KIT: variants seen among roughly 807,000 people sequenced by gnomAD.
The protein encoded by KIT is KIT proto-oncogene, receptor tyrosine kinase.
In KIT, 16 loss-of-function variants were observed where a neutral mutation model predicts 105.7. That is an observed-to-expected ratio of 0.15 (90% CI 0.10 to 0.23). KIT has a LOEUF of 0.23. Ranked by LOEUF, KIT falls within the 10% of genes least tolerant of loss-of-function variation. The pLI is 1.00. For missense variants in KIT, 858 were observed against 1,213.8 expected, an observed-to-expected ratio of 0.71 and a Z score of 4.36; for synonymous variants, 438 against 441.1, an observed-to-expected ratio of 0.99 and a Z score of 0.09.
At chr4:54,721,580 C>T (rs912984899) in intron 7 of KIT, among the ~76,000 whole-genome samples, 1 of 152,190 alleles carries the variant, frequency 6.6e-6, no homozygotes, top group African/African-American at 2.4e-5. Flanking sequence ...ATGGCCTGCT[C>T]ATCAGCAGGG....
intron 1 of KIT, among the ~76,000 whole-genome samples, chr4:54,666,275 G>GT (rs942672141): frequency 2.6e-5 from 4 of 151,734 alleles, no homozygotes; most frequent in Admixed American, 6.6e-5. Context: ...TTTGTTTTTT[G>GT]TTTTTTTTGT....
At chr4:54,659,504 G>T (rs1338202714) in intron 1 of KIT, among the ~76,000 whole-genome samples, 1 of 152,150 alleles carries the variant, frequency 6.6e-6, no homozygotes, top group Non-Finnish European at 1.5e-5. Flanking sequence ...TGAGACTGTC[G>T]ACTACCGGTC....
chr4:54,732,131 C>G (rs1196307472), intron 16 of KIT, 133 bp downstream of exon 16: 1 of 1,023,270 alleles, frequency 9.8e-7, no homozygotes, highest in Non-Finnish European at 1.4e-6. Flanking sequence ...AGTGTGGTAA[C>G]CAAAAGCAGA....
intron 1 of KIT, among the ~76,000 whole-genome samples, chr4:54,677,379 G>T (rs1030516277): frequency 1.3e-5 from 2 of 152,116 alleles, no homozygotes; most frequent in Non-Finnish European, 2.9e-5. Context: ...CTAACTTGGG[G>T]TCTGCCCTGT....
At chr4:54,723,905 T>G (rs1423904051) in intron 8 of KIT, among the ~76,000 whole-genome samples, 2 of 152,362 alleles carry the variant, frequency 1.3e-5, no homozygotes, top group East Asian at 3.9e-4. Context: ...CATTACTGAA[T>G]GACTTCTCTA....
intron 1 of KIT, among the ~76,000 whole-genome samples, chr4:54,682,723 C>T (rs923396451): frequency 1.3e-5 from 2 of 151,212 alleles, no homozygotes; most frequent in African/African-American, 4.9e-5. Context: ...AGCCACTGCG[C>T]CCGGCCGATA....
rs374440815 is a variant in KIT at position 54,736,776 on chromosome 4, G to T, written c.2652G>T (p.Lys884Asn). The change falls in exon 19 of 21, where the codon AAG becomes AAT. Residue 884 changes from lysine to asparagine, a missense_variant. Transcript: ENST00000288135. ...PVDSKFYKMI[K>N]EGFRMLSPEH... is the part of the protein sequence containing the mutation. The stretch of plus-strand genomic sequence containing the variant: ...ATTCTAAGTTCTACAAGATGATCAA[G>T]GAAGGCTTCCGGATGCTCAGCCCTG... The T allele has an allele frequency of 6.2e-7, 1 of 1,614,038 alleles. No homozygotes were observed. The highest frequency in any genetic ancestry group is 8.5e-7 in the Non-Finnish European group (1 of 1,180,010).
Position 54,686,371 on chromosome 4 carries a change from T to A in KIT, c.68-9141T>A, listed in dbSNP as rs1267801278. On this transcript the variant is annotated intron_variant, in intron 1 of 20. Transcript: ENST00000288135. ...AAATATCATGTACATAATACAGTAC[T>A]GAGACCTGGCATGCAGATAGAACAT... Among the ~76,000 whole-genome samples the A allele has an allele frequency of 2.6e-5, 4 of 152,234 alleles. No individual in the cohort carries two copies. The East Asian group carries it at 7.7e-4, about 29-fold the overall frequency.
intron 7 of KIT, among the ~76,000 whole-genome samples, chr4:54,712,915 G>T (rs3020827): frequency 6.6e-6 from 1 of 151,856 alleles, no homozygotes; most frequent in African/African-American, 2.4e-5. Flanking sequence ...CAAACTGACA[G>T]AGGCATTTAT....
In KIT at chr4:54,714,084, G is replaced by A. The variant is rs116082882; in HGVS notation, c.1231+4545G>A. On this transcript the variant is annotated intron_variant, in intron 7 of 20. Transcript: ENST00000288135. ...ATTTGCATTACTCTAATTAACTTTT[G>A]GAATTGCTTATCCAAGATGTGTATG... Among the ~76,000 whole-genome samples, 1,352 of 152,256 alleles carry A rather than the reference G, an allele frequency of 8.9e-3. 11 individuals are homozygous for A. Among genetic ancestry groups the A allele is most frequent in the Non-Finnish European group, 0.014 (971 of 68,010 alleles).
chr4:54,666,544 C>G (rs962466844), intron 1 of KIT, among the ~76,000 whole-genome samples: 2 of 152,132 alleles, frequency 1.3e-5, no homozygotes, highest in Non-Finnish European at 2.9e-5. Context: ...TCCCAAAGTG[C>G]TGGGATTACA....
At chr4:54,723,443 G>A in intron 7 of KIT, 141 bp from the exon 8 acceptor site, 2 of 696,450 alleles carry the variant, frequency 2.9e-6, no homozygotes, top group East Asian at 5.5e-5. Context: ...CCACTCCTTG[G>A]TTCAGATTCT....
At chr4:54,713,243 T>C (rs1490161800) in intron 7 of KIT, among the ~76,000 whole-genome samples, 2 of 152,092 alleles carry the variant, frequency 1.3e-5, no homozygotes, top group African/African-American at 4.8e-5. Context: ...CCGTGTATAG[T>C]CTTTATCCCT....
At chr4:54,682,517 C>T (rs960428799) in intron 1 of KIT, among the ~76,000 whole-genome samples, 4 of 152,022 alleles carry the variant, frequency 2.6e-5, no homozygotes. Flanking sequence ...TAACCTCCAC[C>T]TCCCAGGTTC....
In KIT at chr4:54,685,924, A is replaced by G. The variant is rs1260868947; in HGVS notation, c.68-9588A>G. On this transcript the variant is annotated intron_variant, in intron 1 of 20. Transcript: ENST00000288135. ...GTTTCCCAGCTCAGTTCTACATAAT[A>G]CTCTGCCCTGTTTTAGCCTGTACTT... Among the ~76,000 whole-genome samples the G allele has an allele frequency of 2.0e-5, 3 of 151,920 alleles. No homozygotes were observed. The East Asian group carries it at 5.8e-4, about 29-fold the overall frequency.
In KIT at chr4:54,740,706, T is replaced by C. The variant is rs1353747954; in HGVS notation, c.*2149T>C. On this transcript the variant is annotated 3_prime_UTR_variant, in exon 21 of 21. Coordinates refer to ENST00000288135, the MANE Select transcript of KIT (RefSeq NM_000222.3). Reference sequence around the variant, plus strand: ...GAAGAATTCTAATAAAATGTACATATATAAATCAAGTGGAGTCATTTGATT... The same window carrying C: ...GAAGAATTCTAATAAAATGTACATACATAAATCAAGTGGAGTCATTTGATT... The C allele has an allele frequency of 4.4e-6, 1 of 229,480 alleles. No homozygotes were observed. Among genetic ancestry groups the C allele is most frequent in the African/African-American group, 2.2e-5 (1 of 45,140 alleles). The allele number at this position is 229,480 out of a possible 1,614,324, so 14.2% of individuals were successfully genotyped here.
intron 8 of KIT, among the ~76,000 whole-genome samples, chr4:54,725,257 A>T (rs1722145454): frequency 6.6e-6 from 1 of 152,050 alleles, no homozygotes; most frequent in African/African-American, 2.4e-5. Flanking sequence ...GGCGCCTGCC[A>T]CCACGCCCAG....
chr4:54,699,783 ATTC>A lies in KIT; in HGVS notation c.756+22_756+24del, dbSNP rs760585459. 7.0e-5 allele frequency: 113 copies of A among 1,613,274 alleles called. No individual in the cohort carries two copies. The highest frequency in any genetic ancestry group is 9.1e-5 in the Non-Finnish European group (107 of 1,179,532). On this transcript the variant is annotated intron_variant, in intron 4 of 20. Transcript: ENST00000288135. ...AACAGTCAGGTGAGTGAATCGCTTCATTCTTCTCATGTTCTGTCTCTGTGGGAG... is the reference window on the plus strand; with the variant it reads ...AACAGTCAGGTGAGTGAATCGCTTCATTCTCATGTTCTGTCTCTGTGGGAG...
rs886038271 is a variant in KIT, at chr4:54,726,080, G to A, written c.1540+30G>A. 2 of 1,557,060 alleles carry A rather than the reference G, an allele frequency of 1.3e-6. No individual in the cohort carries two copies. The highest frequency in any genetic ancestry group is 1.8e-6 in the Non-Finnish European group (2 of 1,128,380). On this transcript the variant is annotated intron_variant, in intron 9 of 20. Coordinates refer to ENST00000288135, the MANE Select transcript of KIT (RefSeq NM_000222.3). Reference sequence around the variant, plus strand: ...ATTTCTTTTTAATCCAATTTAAGGGGATGTTTAGGCTCTGTCTACCATATC... The same window carrying A: ...ATTTCTTTTTAATCCAATTTAAGGGAATGTTTAGGCTCTGTCTACCATATC...
Sources: gnomAD v4.1 joint callset for allele counts (sites outside exome capture counted in the v4.1 genomes callset) on GRCh38, gnomAD v4.1.1 for gene constraint, MANE v1.5 for transcripts, NCBI Gene and HGNC (gene_info 2026-07-23, HGNC 2026-07-21) for gene names.